Variants in CDH8 observed in about 807,000 individuals in gnomAD.
CDH8 encodes the protein cadherin 8, also known as cadherin-8.
Under a neutral mutation model 68.1 loss-of-function variants are expected in CDH8, and 17 were observed. The ratio of observed to expected loss-of-function variants is 0.25; its 90% confidence interval spans 0.17 to 0.37. The LOEUF (loss-of-function observed/expected upper bound fraction) is 0.37, where lower values mean the gene tolerates loss of function less well. Ranked by LOEUF, CDH8 falls within the 10% of genes least tolerant of loss-of-function variation. The pLI is 1.00. For synonymous variants in CDH8, 372 were observed against 365.1 expected (o/e 1.02, Z -0.21); for missense variants, 763 against 999.3 (o/e 0.76, Z 3.19).
intron 2 of CDH8, among the ~76,000 whole-genome samples, chr16:61,929,914 T>C (rs1352728170): frequency 6.6e-6 from 1 of 151,982 alleles, no homozygotes; most frequent in African/African-American, 2.4e-5. Flanking sequence ...AACAAAAAAA[T>C]TGATATATTC....
intron 1 of CDH8, chr16:62,031,985 C>T (rs1902338229): frequency 6.6e-6 from 1 of 152,136 alleles, no homozygotes; most frequent in Non-Finnish European, 1.5e-5. Flanking sequence ...ACAAACAGTT[C>T]AGCAGAAATA....
intron 10 of CDH8, among the ~76,000 whole-genome samples, chr16:61,688,284 G>A (rs1277121248): frequency 6.6e-6 from 1 of 151,916 alleles, no homozygotes; most frequent in Non-Finnish European, 1.5e-5. Flanking sequence ...AACCAAATAT[G>A]TAACCATATG....
At position 62,021,516 on chromosome 16, in the gene CDH8, C is replaced by T; in HGVS notation, c.-113G>A. On this transcript the variant is annotated 5_prime_UTR_variant, in exon 2 of 12. An upstream open reading frame in the 5' UTR gains an earlier in-frame stop. Transcript: ENST00000577390. ...GCCGAGCATTTACTTACAGCTCTGC[C>T]ACGTGTCTATAGCACGGGAAACAGA... is the stretch of plus-strand genomic sequence containing the variant. The T allele has an allele frequency of 2.7e-6, 4 of 1,493,740 alleles. No homozygotes were observed. The highest frequency in any genetic ancestry group is 1.4e-5 in the African/African-American group (1 of 71,648). 92.5% of individuals were successfully genotyped at this position (1,493,740 alleles called of 1,614,324 possible).
At chr16:61,862,568 G>A (rs1320090591) in intron 3 of CDH8, among the ~76,000 whole-genome samples, 1 of 152,144 alleles carries the variant, frequency 6.6e-6, no homozygotes, top group Non-Finnish European at 1.5e-5. Flanking sequence ...TTCCGTCAAG[G>A]ACGATATTTC....
intron 2 of CDH8, among the ~76,000 whole-genome samples, chr16:61,917,396 TTCCTG>T (rs1964257941): frequency 1.3e-5 from 2 of 152,252 alleles, no homozygotes; most frequent in South Asian, 4.1e-4. Flanking sequence ...CTGGGCTCTG[TTCCTG>T]TCCCTCCTAC....
intron 7 of CDH8, among the ~76,000 whole-genome samples, chr16:61,810,238 A>T (rs951677362): frequency 1.3e-5 from 2 of 152,202 alleles, no homozygotes; most frequent in African/African-American, 4.8e-5. Flanking sequence ...TTATGCCTAA[A>T]GAAACCATTT....
intron 10 of CDH8, among the ~76,000 whole-genome samples, chr16:61,666,201 T>C (rs1038724828): frequency 6.8e-6 from 1 of 148,090 alleles, no homozygotes; most frequent in African/African-American, 2.5e-5. Flanking sequence ...TGTGTGTGTG[T>C]GTGTGTATAT....
At chr16:61,751,830 G>T (rs1960174745) in intron 8 of CDH8, among the ~76,000 whole-genome samples, 1 of 151,944 alleles carries the variant, frequency 6.6e-6, no homozygotes, top group Admixed American at 6.6e-5. Flanking sequence ...AACTAAGCAC[G>T]TTATTATACT....
At chr16:61,873,239 C>T (rs1963401853) in intron 3 of CDH8, among the ~76,000 whole-genome samples, 1 of 152,104 alleles carries the variant, frequency 6.6e-6, no homozygotes, top group African/African-American at 2.4e-5. Flanking sequence ...GTCCTGTAGA[C>T]ATAAATAAGC....
intron 8 of CDH8, among the ~76,000 whole-genome samples, chr16:61,762,576 A>G (rs1960497303): frequency 6.6e-6 from 1 of 152,106 alleles, no homozygotes; most frequent in Non-Finnish European, 1.5e-5. Flanking sequence ...TTGCTTAGAT[A>G]TTCGTGAAAA....
At chr16:61,854,626 A>C (rs1963007301) in intron 4 of CDH8, among the ~76,000 whole-genome samples, 1 of 152,014 alleles carries the variant, frequency 6.6e-6, no homozygotes, top group Non-Finnish European at 1.5e-5. Flanking sequence ...ACTAATACAC[A>C]TCTTTTGTTC....
intron 7 of CDH8, among the ~76,000 whole-genome samples, chr16:61,796,136 A>C (rs1263080711): frequency 1.3e-5 from 2 of 152,018 alleles, no homozygotes; most frequent in African/African-American, 4.8e-5. Context: ...GAGGAAAGGG[A>C]ATAGATGGGA....
chr16:61,902,014 C>T lies in CDH8; in HGVS notation c.253-541G>A, dbSNP rs571450042. On this transcript the variant is annotated intron_variant, in intron 2 of 11. Coordinates refer to ENST00000577390, the MANE Select transcript of CDH8 (RefSeq NM_001796.5). Reference sequence around the variant, plus strand: ...GGTAGATCCAGAATTCAACTCAGATCTGCCTGTGATGTTTATACAAACAAA... The same window carrying T: ...GGTAGATCCAGAATTCAACTCAGATTTGCCTGTGATGTTTATACAAACAAA... 3.3e-5 allele frequency among the ~76,000 whole-genome samples: 5 copies of T among 150,834 alleles called. No individual in the cohort carries two copies. The South Asian group carries it at 1.0e-3, about 31-fold the overall frequency.
intron 3 of CDH8, among the ~76,000 whole-genome samples, chr16:61,898,889 A>T (rs1261596636): frequency 6.9e-6 from 1 of 143,920 alleles, no homozygotes; most frequent in Non-Finnish European, 1.5e-5. Flanking sequence ...GGAAAAAAAA[A>T]TTCATGAAAG....
intron 2 of CDH8, among the ~76,000 whole-genome samples, chr16:62,012,329 T>C (rs1901833482): frequency 6.6e-6 from 1 of 152,220 alleles, no homozygotes; most frequent in South Asian, 2.1e-4. Flanking sequence ...TAATATCTGG[T>C]CTATTCCATA....
At chr16:61,739,945 G>A (rs143812851) in intron 8 of CDH8, among the ~76,000 whole-genome samples, 18,783 of 125,796 alleles carry the variant, frequency 0.15, 1,543 homozygotes, top group Middle Eastern at 0.19. Context: ...GTCTTGCTCT[G>A]TCACCAGGCT....
At position 61,983,699 on chromosome 16, in the gene CDH8, T is replaced by C. The variant is rs538820013; in HGVS notation, c.252+37453A>G. 2.0e-5 allele frequency among the ~76,000 whole-genome samples: 3 copies of C among 152,304 alleles called. No homozygotes were observed. In the South Asian group the frequency reaches 6.2e-4, roughly 32 times the overall value. On this transcript the variant is annotated intron_variant, in intron 2 of 11. Coordinates refer to ENST00000577390, the MANE Select transcript of CDH8 (RefSeq NM_001796.5). ...TGTCATCTTAGTCTGCTCAGGTTTCTATAACAAAATACCATAGAAAGGATG... is the reference window on the plus strand; with the variant it reads ...TGTCATCTTAGTCTGCTCAGGTTTCCATAACAAAATACCATAGAAAGGATG...
At chr16:61,959,978 G>GTATATATATA (rs1230866201) in intron 2 of CDH8, among the ~76,000 whole-genome samples, 1 of 46,502 alleles carries the variant, frequency 2.2e-5, no homozygotes, top group African/African-American at 7.7e-5. Flanking sequence ...GTATGTGTGT[G>GTATATATATA]TGTGTGTATA....
chr16:61,799,222 C>T (rs1031462871), intron 7 of CDH8, among the ~76,000 whole-genome samples: 2 of 152,076 alleles, frequency 1.3e-5, no homozygotes, highest in Non-Finnish European at 2.9e-5. Flanking sequence ...AGCTGTTGAT[C>T]GTGCCTGTCA....
Sources: allele counts gnomAD v4.1 joint callset (sites outside exome capture counted in the v4.1 genomes callset), GRCh38; gene constraint gnomAD v4.1.1; transcripts MANE v1.5; gene names NCBI Gene and HGNC (gene_info 2026-07-23, HGNC 2026-07-21).